BTNL9: variants seen among roughly 807,000 people sequenced by gnomAD.
The protein encoded by BTNL9 is butyrophilin-like protein 9.
A neutral mutation model predicts 45.8 loss-of-function variants in BTNL9; 45 were observed. The observed-to-expected ratio is 0.98, with a 90% confidence interval of 0.77 to 1.26. The LOEUF (loss-of-function observed/expected upper bound fraction) is 1.26, where lower values mean the gene tolerates loss of function less well. Ranked by LOEUF, BTNL9 falls within the 50% of genes most tolerant of loss-of-function variation. BTNL9 has a pLI of 0.00. For missense variants in BTNL9, 784 were observed against 729.7 expected (o/e 1.07, Z -0.86); for synonymous variants, 346 against 330.8 (o/e 1.05, Z -0.50).
intron 2 of BTNL9, among the ~76,000 whole-genome samples, chr5:181,046,308 T>C (rs1050201941): frequency 4.2e-5 from 6 of 144,134 alleles, no homozygotes; most frequent in Non-Finnish European, 6.1e-5. Context: ...CCCCAGCCTG[T>C]AGTGTTCCTC....
chr5:181,055,953 A>G lies in BTNL9; in HGVS notation c.929-36A>G. On this transcript the variant is annotated intron_variant, in intron 8 of 10. Coordinates refer to ENST00000327705, the MANE Select transcript of BTNL9 (RefSeq NM_152547.5). The surrounding 1 kb of genome is among the most constrained non-coding windows in gnomAD (Gnocchi z 4.4). ...GTGAGCAGGGAAGCTTGGGGTCCTGATGTGCTAATTTCCTGTTTTCCCTTG... is the reference window on the plus strand; with the variant it reads ...GTGAGCAGGGAAGCTTGGGGTCCTGGTGTGCTAATTTCCTGTTTTCCCTTG... 6.2e-7 allele frequency: 1 copy of G among 1,613,958 alleles called. No individual in the cohort carries two copies. The highest frequency in any genetic ancestry group is 1.1e-5 in the South Asian group (1 of 91,076).
intron 7 of BTNL9, chr5:181,054,749 T>C (rs182875419): frequency 0.024 from 23,469 of 984,722 alleles, 290 homozygotes; most frequent in Middle Eastern, 0.026. Context: ...GGTGTTGGGG[T>C]TGGGGGGGCA....
At chr5:181,059,109 G>GGTC (rs930189804) in intron 10 of BTNL9, 128 bp from the exon 11 acceptor site, 127 of 1,386,618 alleles carry the variant, frequency 9.2e-5, no homozygotes, top group Non-Finnish European at 1.2e-4. Flanking sequence ...CAGGGGTGAG[G>GGTC]GTCGGGGTAA....
chr5:181,045,658 C>G (rs760391517), intron 2 of BTNL9, 60 bp downstream of exon 2: 1 of 1,336,624 alleles, frequency 7.5e-7, no homozygotes, highest in Admixed American at 1.7e-5. Flanking sequence ...GCCAGGTGCT[C>G]CCCAGGGCTA....
chr5:181,055,949 C>T lies in BTNL9; in HGVS notation c.929-40C>T, dbSNP rs979403871. 6.2e-7 allele frequency: 1 copy of T among 1,613,774 alleles called. No homozygotes were observed. The highest frequency in any genetic ancestry group is 8.5e-7 in the Non-Finnish European group (1 of 1,179,692). On this transcript the variant is annotated intron_variant, in intron 8 of 10. Coordinates refer to ENST00000327705, the MANE Select transcript of BTNL9 (RefSeq NM_152547.5). This position sits in a 1 kb window ranked among gnomAD's most constrained non-coding sequence, Gnocchi z 4.4. ...ATGTGTGAGCAGGGAAGCTTGGGGTCCTGATGTGCTAATTTCCTGTTTTCC... is the reference window on the plus strand; with the variant it reads ...ATGTGTGAGCAGGGAAGCTTGGGGTTCTGATGTGCTAATTTCCTGTTTTCC...
chr5:181,042,209 G>A lies in BTNL9; in HGVS notation c.-24+1777G>A, dbSNP rs1038237400. 3.3e-5 allele frequency among the ~76,000 whole-genome samples: 5 copies of A among 152,356 alleles called. No homozygotes were observed. Among genetic ancestry groups the A allele is most frequent in the East Asian group, 1.9e-4 (1 of 5,188 alleles). On this transcript the variant is annotated intron_variant, in intron 1 of 10. Transcript: ENST00000327705. The surrounding 1 kb of genome is among the most constrained non-coding windows in gnomAD (Gnocchi z 4.5). The stretch of plus-strand genomic sequence containing the variant: ...CCCCTTATTTCTCCCTGTGCCTTCC[G>A]GAGGGAGCAGCCCAAGGCTCCTGGG...
intron 1 of BTNL9, among the ~76,000 whole-genome samples, chr5:181,044,124 C>A (rs1760955575): frequency 6.6e-6 from 1 of 152,188 alleles, no homozygotes; most frequent in Non-Finnish European, 1.5e-5. Flanking sequence ...CCCTTGTATT[C>A]CTGCCTGTCT....
intron 4 of BTNL9, among the ~76,000 whole-genome samples, chr5:181,052,600 C>A (rs1384664156): frequency 1.3e-5 from 2 of 152,230 alleles, no homozygotes; most frequent in Non-Finnish European, 2.9e-5. Flanking sequence ...ACAGGGTTTG[C>A]GAAGGGCCGG....
chr5:181,058,814 TAA>T (rs200022713), intron 10 of BTNL9, among the ~76,000 whole-genome samples: 189 of 134,816 alleles, frequency 1.4e-3, no homozygotes, highest in Non-Finnish European at 1.8e-3. Flanking sequence ...GGACTGTATG[TAA>T]AAAAAAAAAA....
chr5:181,053,878 A>C lies in BTNL9; in HGVS notation c.887-361A>C, dbSNP rs1336795616. 6.6e-6 allele frequency: 10 copies of C among 1,504,770 alleles called. No homozygotes were observed. Among genetic ancestry groups the C allele is most frequent in the Non-Finnish European group, 8.0e-6 (9 of 1,127,032 alleles). 93.2% of individuals were successfully genotyped at this position (1,504,770 alleles called of 1,614,324 possible). A position where few individuals can be genotyped will look rare whatever the true frequency, so the allele number is the denominator to read the frequency against. On this transcript the variant is annotated intron_variant, in intron 6 of 10. Transcript: ENST00000327705. This position sits in a 1 kb window ranked among gnomAD's most constrained non-coding sequence, Gnocchi z 6.5. Reference sequence around the variant, plus strand: ...TCGGGCGGATGCGCAACATCTCCGCACAGGGTCAGGAAGCGGCGGTCAGGC... The same window carrying C: ...TCGGGCGGATGCGCAACATCTCCGCCCAGGGTCAGGAAGCGGCGGTCAGGC...
In BTNL9 at chr5:181,059,864, G is replaced by T; in HGVS notation, c.*2G>T. 6.5e-7 allele frequency: 1 copy of T among 1,545,774 alleles called. No homozygotes were observed. Among genetic ancestry groups the T allele is most frequent in the Non-Finnish European group, 8.7e-7 (1 of 1,150,886 alleles). On this transcript the variant is annotated 3_prime_UTR_variant, in exon 11 of 11. Transcript: ENST00000327705. Reference sequence around the variant, plus strand: ...GACCCCGCCCTGGACTGGTGGTGAGGCGCCCTCGTGGCCGCGGGACTGGCC... The same window carrying T: ...GACCCCGCCCTGGACTGGTGGTGAGTCGCCCTCGTGGCCGCGGGACTGGCC...
intron 1 of BTNL9, chr5:181,043,399 G>C (rs965025280): frequency 2.0e-5 from 3 of 152,116 alleles, no homozygotes; most frequent in Admixed American, 1.3e-4. Flanking sequence ...GCACTTCCAC[G>C]GTTCTGGAAC....
chr5:181,056,708 A>C, intron 9 of BTNL9: 4 of 681,136 alleles, frequency 5.9e-6, no homozygotes. Context: ...GGGTATGTCC[A>C]CTAAGGGGAT....
rs763325404 is a variant in BTNL9, at chr5:181,053,298, A to G, written c.835A>G (p.Lys279Glu). The change falls in exon 5 of 11, where the codon AAG becomes GAG. Residue 279 changes from lysine to glutamate, a missense_variant. Transcript: ENST00000327705. The surrounding 1 kb of genome is among the most constrained non-coding windows in gnomAD (Gnocchi z 6.5). ...LAALALGVLR[K>E]QRRSREKLRK... ...GGCGCTGGCGCTGGGCGTCCTCCGG[A>G]AGCAGCGGAGAAGCCGAGGTACCGG... 1.9e-6 allele frequency: 3 copies of G among 1,575,638 alleles called. No homozygotes were observed. The highest frequency in any genetic ancestry group is 1.2e-5 in the South Asian group (1 of 86,794).
In BTNL9 at chr5:181,045,512, C is replaced by A. The variant is rs145827131; in HGVS notation, c.23C>A (p.Pro8Gln). Residue 8 changes from proline (P) to glutamine (Q), a missense_variant, in exon 2 of 11, where the codon CCA becomes CAA. By Grantham distance (76) the Pro-to-Gln change is moderately conservative. Coordinates refer to ENST00000327705, the MANE Select transcript of BTNL9 (RefSeq NM_152547.5). MVDLSVS[P>Q]DSLKPVSLTS... ...GAGATGGTGGACCTCTCAGTCTCCC[C>A]AGACTCCTTGAAGCCAGTATCGCTG... The A allele has an allele frequency of 1.2e-6, 2 of 1,610,988 alleles. No individual in the cohort carries two copies. The highest frequency in any genetic ancestry group is 1.7e-6 in the Non-Finnish European group (2 of 1,177,820).
At position 181,059,486 on chromosome 5, in the gene BTNL9, C is replaced by T. The variant is rs747623250; in HGVS notation, c.1232C>T (p.Ala411Val). The T allele has an allele frequency of 1.0e-5, 15 of 1,492,814 alleles. No individual in the cohort carries two copies. Among genetic ancestry groups the T allele is most frequent in the Non-Finnish European group, 1.2e-5 (14 of 1,127,246 alleles). The allele number at this position is 1,492,814 out of a possible 1,614,324, so 92.5% of individuals were successfully genotyped here. ...GCCGCGGTGCCGCGCGCGGGGCCTG[C>T]GCGCCTGAGCCCTGCGGCCGGCTAC... ...CLAAVPRAGPARLSPAAGYWV... is the reference protein window; with the variant it reads ...CLAAVPRAGPVRLSPAAGYWV... The change falls in exon 11 of 11, where the codon GCG becomes GTG. Residue 411 changes from alanine (A) to valine (V), a missense_variant. Physicochemically the swap from Ala to Val is moderately conservative, Grantham distance 64 (BLOSUM62 0). Transcript: ENST00000327705.
chr5:181,045,317 C>T (rs1001137939), intron 1 of BTNL9, 150 bp from the exon 2 acceptor site: 11 of 569,536 alleles, frequency 1.9e-5, no homozygotes, highest in Non-Finnish European at 3.5e-5. Flanking sequence ...TCCCCTCTGG[C>T]CATGGAAGAA....
chr5:181,058,645 C>G (rs1183792050), intron 10 of BTNL9, among the ~76,000 whole-genome samples: 6 of 152,110 alleles, frequency 3.9e-5, no homozygotes, highest in Non-Finnish European at 7.4e-5. Flanking sequence ...AGGCTATTTG[C>G]AGGCGAGAGT....
chr5:181,053,275 C>G lies in BTNL9; in HGVS notation c.812C>G (p.Ala271Gly). The G allele has an allele frequency of 6.3e-7, 1 of 1,584,662 alleles. No homozygotes were observed. The highest frequency in any genetic ancestry group is 8.6e-7 in the Non-Finnish European group (1 of 1,167,008). The stretch of plus-strand genomic sequence containing the variant: ...CTGCCGCTGCTGTTGGTCCTCGCGG[C>G]GCTGGCGCTGGGCGTCCTCCGGAAG... ...ATLPLLLVLA[A>G]LALGVLRKQR... The change falls in exon 5 of 11, where the codon GCG becomes GGG. Residue 271 changes from alanine (A) to glycine (G), a missense_variant. Physicochemically the swap from Ala to Gly is moderately conservative, Grantham distance 60. Coordinates refer to ENST00000327705, the MANE Select transcript of BTNL9 (RefSeq NM_152547.5). This position sits in a 1 kb window ranked among gnomAD's most constrained non-coding sequence, Gnocchi z 6.5.
Sources: allele counts gnomAD v4.1 joint callset (sites outside exome capture counted in the v4.1 genomes callset), GRCh38; gene constraint gnomAD v4.1.1; non-coding constraint Gnocchi (gnomAD v3.1); transcripts MANE v1.5; gene names NCBI Gene and HGNC (gene_info 2026-07-23, HGNC 2026-07-21).